Variants in PCDHA3 observed in about 807,000 individuals in gnomAD.
PCDHA3 encodes the protein protocadherin alpha 3, also known as protocadherin alpha-3.
PCDHA3 carries 41 observed loss-of-function variants against 62.2 expected under a neutral mutation model. The ratio of observed to expected loss-of-function variants is 0.66; its 90% CI spans 0.51 to 0.86. The LOEUF is 0.86. Among genes scored for constraint, PCDHA3 ranks in the 40% least tolerant of loss-of-function variants. PCDHA3 has a pLI of 0.00. For synonymous variants in PCDHA3, 640 were observed against 555.4 expected (o/e 1.15, Z -2.14); for missense variants, 1,304 against 1,241.2 (o/e 1.05, Z -0.76).
Position 140,929,131 on chromosome 5 carries a change from G to A in PCDHA3, c.2395-49818G>A, listed in dbSNP as rs782040825. ...ATCAGCCACCATAGATGTCACTACA[G>A]TTGAGAGACTTTCTCAGACTTATCT... On this transcript the variant is annotated intron_variant, in intron 1 of 3. Coordinates refer to ENST00000522353, the MANE Select transcript of PCDHA3 (RefSeq NM_018906.3). 5.0e-6 allele frequency: 8 copies of A among 1,614,036 alleles called. No homozygotes were observed. The East Asian group carries it at 6.7e-5, about 13-fold the overall frequency.
At chr5:140,805,708 A>T in intron 1 of PCDHA3, 1 of 633,596 alleles carries the variant, frequency 1.6e-6, no homozygotes, top group Non-Finnish European at 2.0e-6. Flanking sequence ...GAATTAGAAT[A>T]AAAATTAAGC....
chr5:140,807,918 G>A, intron 1 of PCDHA3: 1 of 1,614,094 alleles, frequency 6.2e-7, no homozygotes, highest in Non-Finnish European at 8.5e-7. Flanking sequence ...GCTTTTGACA[G>A]AACCATTTAT....
intron 3 of PCDHA3, among the ~76,000 whole-genome samples, chr5:141,003,426 C>T (rs1316658550): frequency 1.3e-5 from 2 of 152,144 alleles, no homozygotes; most frequent in African/African-American, 4.8e-5. Context: ...ATTCTTATGC[C>T]TCAGCCTCCC....
At chr5:140,828,347 G>A (rs2150154250) in intron 1 of PCDHA3, 1 of 1,614,256 alleles carries the variant, frequency 6.2e-7, no homozygotes, top group South Asian at 1.1e-5. Flanking sequence ...CATTTTGTTT[G>A]TGAATTCTCG....
rs1554263792 is a variant in PCDHA3 at position 141,012,059 on chromosome 5, C to T, written c.*2122C>T. 1 of 153,718 alleles carries T rather than the reference C, an allele frequency of 6.5e-6. No individual in the cohort carries two copies. The highest frequency in any genetic ancestry group is 1.5e-5 in the Non-Finnish European group (1 of 68,036). The allele number at this position is 153,718 out of a possible 1,614,324, so 9.5% of individuals were successfully genotyped here. A position where few individuals can be genotyped will look rare whatever the true frequency, so the allele number is the denominator to read the frequency against. ...TGCATGGGGTAAAACTTGTTACCAA[C>T]ACATGTGAACCATTGCTACATTGTA... On this transcript the variant is annotated 3_prime_UTR_variant, in exon 4 of 4. Transcript: ENST00000522353.
At chr5:140,877,497 C>G in intron 1 of PCDHA3, 1 of 1,613,848 alleles carries the variant, frequency 6.2e-7, no homozygotes, top group South Asian at 1.1e-5. Context: ...ACGGCCAGGC[C>G]CCAAAGACGT....
intron 1 of PCDHA3, among the ~76,000 whole-genome samples, chr5:140,943,906 C>T (rs963288804): frequency 2.0e-5 from 3 of 152,156 alleles, no homozygotes; most frequent in African/African-American, 7.2e-5. Context: ...ATGTCATGAG[C>T]ACTTTAGCAT....
intron 1 of PCDHA3, chr5:140,883,325 A>C: frequency 6.2e-7 from 1 of 1,614,118 alleles, no homozygotes; most frequent in Non-Finnish European, 8.5e-7. Context: ...GGTTACCATC[A>C]CTTCTTTGTC....
intron 1 of PCDHA3, chr5:140,858,501 T>C: frequency 6.8e-7 from 1 of 1,464,942 alleles, no homozygotes; most frequent in Non-Finnish European, 9.4e-7. Context: ...TACCGCATTT[T>C]CTCAAATATG....
intron 1 of PCDHA3, chr5:140,807,395 G>C (rs3822354): frequency 8.2e-7 from 1 of 1,218,782 alleles, no homozygotes; most frequent in Middle Eastern, 2.5e-4. Flanking sequence ...GGCGTCCAAG[G>C]GCCGCGGAGG....
At chr5:140,824,006 T>C in intron 1 of PCDHA3, 2 of 1,613,804 alleles carry the variant, frequency 1.2e-6, no homozygotes, top group South Asian at 1.1e-5. Context: ...TCCAGCGCGG[T>C]GGGGAGCTGG....
chr5:140,822,774 T>C (rs2150119288), intron 1 of PCDHA3: 2 of 1,614,014 alleles, frequency 1.2e-6, no homozygotes, highest in Non-Finnish European at 1.7e-6. Context: ...CAGGACACTG[T>C]AAAGTAGTAG....
At chr5:140,963,556 T>A (rs891498931) in intron 1 of PCDHA3, among the ~76,000 whole-genome samples, 28 of 152,238 alleles carry the variant, frequency 1.8e-4, no homozygotes, top group Non-Finnish European at 3.4e-4. Context: ...AAAAAGGGGC[T>A]GTTTTCTGGT....
At chr5:141,009,476 C>T in intron 3 of PCDHA3, 151 bp from the exon 4 acceptor site, 4 of 1,420,154 alleles carry the variant, frequency 2.8e-6, no homozygotes, top group Non-Finnish European at 2.8e-6. Flanking sequence ...AATAAGTAAA[C>T]ACTTGCCTTG....
At chr5:140,821,857 G>C in intron 1 of PCDHA3, 1 of 1,614,186 alleles carries the variant, frequency 6.2e-7, no homozygotes. Flanking sequence ...GGCAGGGAGC[G>C]GCCAGCTCCA....
chr5:140,849,943 A>G lies in PCDHA3; in HGVS notation c.2394+46352A>G, dbSNP rs2150458955. The G allele has an allele frequency of 3.8e-6, 6 of 1,597,666 alleles. 2 individuals carry two copies. In the African/African-American group the frequency reaches 5.4e-5, roughly 14 times the overall value. On this transcript the variant is annotated intron_variant, in intron 1 of 3. Transcript: ENST00000522353. ...TTCACGGTGTCTGCGCGGGACGCTG[A>G]CGCGCAGGAGAACGCCCTGGTGTCC...
At chr5:140,911,066 A>C (rs1166409987) in intron 1 of PCDHA3, among the ~76,000 whole-genome samples, 1 of 152,042 alleles carries the variant, frequency 6.6e-6, no homozygotes, top group Non-Finnish European at 1.5e-5. Flanking sequence ...GTGGGTCCTG[A>C]GGAGAATCAA....
chr5:140,968,057 C>G, intron 1 of PCDHA3: 1 of 1,614,110 alleles, frequency 6.2e-7, no homozygotes, highest in African/African-American at 1.3e-5. Flanking sequence ...GGACCGAGAG[C>G]GGGTGGCTGT....
intron 1 of PCDHA3, chr5:140,815,969 G>T (rs1765823942): frequency 6.6e-6 from 1 of 152,094 alleles, no homozygotes; most frequent in South Asian, 2.1e-4. Context: ...GTGTTCTTTT[G>T]TACGTGATGA....
Sources: allele counts gnomAD v4.1 joint callset (sites outside exome capture counted in the v4.1 genomes callset), GRCh38; gene constraint gnomAD v4.1.1; transcripts MANE v1.5; gene names NCBI Gene and HGNC (gene_info 2026-07-23, HGNC 2026-07-21).